SYT9: variants seen among roughly 807,000 people sequenced by gnomAD.
SYT9 encodes synaptotagmin-9.
In SYT9, 22 loss-of-function variants were observed where a neutral mutation model predicts 48.4. That is an observed-to-expected ratio of 0.45 (90% CI 0.32 to 0.65). SYT9 has a LOEUF of 0.65. Among genes scored for constraint, SYT9 ranks in the 30% least tolerant of loss-of-function variants. The pLI, the probability that SYT9 is intolerant of heterozygous loss-of-function variation, is 0.03. For synonymous variants in SYT9, 265 were observed against 245.0 expected, an observed-to-expected ratio of 1.08 and a Z score of -0.76; for missense variants, 577 against 622.0, an observed-to-expected ratio of 0.93 and a Z score of 0.77.
intron 3 of SYT9, among the ~76,000 whole-genome samples, chr11:7,386,570 C>G (rs562343646): frequency 8.3e-4 from 126 of 152,238 alleles, no homozygotes; most frequent in Non-Finnish European, 1.1e-3. Context: ...CTGGCCATCA[C>G]AGAAATGCAA....
intron 3 of SYT9, among the ~76,000 whole-genome samples, chr11:7,381,794 G>A (rs1850569746): frequency 6.6e-6 from 1 of 152,142 alleles, no homozygotes; most frequent in South Asian, 2.1e-4. Flanking sequence ...TACACTTACT[G>A]TCATTAAATT....
intron 3 of SYT9, among the ~76,000 whole-genome samples, chr11:7,367,171 T>A (rs1280821340): frequency 4.7e-5 from 6 of 126,498 alleles, no homozygotes; most frequent in Non-Finnish European, 7.9e-5. Context: ...AAGCTCCGCC[T>A]CCCGGGTTCA....
chr11:7,295,079 A>G (rs1384632249), intron 1 of SYT9, among the ~76,000 whole-genome samples: 1 of 152,186 alleles, frequency 6.6e-6, no homozygotes, highest in Non-Finnish European at 1.5e-5. Flanking sequence ...CCACACTGTT[A>G]GTGTTCTCTT....
chr11:7,381,676 G>A (rs1417768192), intron 3 of SYT9, among the ~76,000 whole-genome samples: 1 of 152,192 alleles, frequency 6.6e-6, no homozygotes, highest in Non-Finnish European at 1.5e-5. Flanking sequence ...AAATGTGAAA[G>A]ACTCAAATCC....
Position 7,313,633 on chromosome 11 carries a change from A to C in SYT9, c.736A>C (p.Asn246His). Residue 246 changes from asparagine (N) to histidine (H), a missense_variant, in exon 3 of 7, where the codon AAT (asparagine) becomes CAT (histidine). Asn to His is a moderately conservative substitution (Grantham distance 68). Transcript: ENST00000318881. ...QLIVKIHKAVNLPAKDFSGTS... is the reference protein window; with the variant it reads ...QLIVKIHKAVHLPAKDFSGTS... ...CATAGTGAAGATTCACAAAGCTGTCAATTTGCCCGCCAAGGACTTTTCTGG... is the reference window on the plus strand; with the variant it reads ...CATAGTGAAGATTCACAAAGCTGTCCATTTGCCCGCCAAGGACTTTTCTGG... 1.2e-6 allele frequency: 2 copies of C among 1,614,140 alleles called. No individual in the cohort carries two copies. The highest frequency in any genetic ancestry group is 1.7e-6 in the Non-Finnish European group (2 of 1,180,016).
intron 6 of SYT9, among the ~76,000 whole-genome samples, chr11:7,433,613 A>G (rs1250476050): frequency 6.6e-6 from 1 of 152,158 alleles, no homozygotes; most frequent in East Asian, 1.9e-4. Context: ...AAGAGATGGG[A>G]AACAATTAGG....
At chr11:7,417,670 G>A (rs181028723) in intron 4 of SYT9, among the ~76,000 whole-genome samples, 1 of 152,192 alleles carries the variant, frequency 6.6e-6, no homozygotes, top group South Asian at 2.1e-4. Flanking sequence ...CCAGTCTTGA[G>A]TTCTAGCTGG....
intron 1 of SYT9, among the ~76,000 whole-genome samples, chr11:7,267,971 T>C (rs1016213553): frequency 5.3e-5 from 8 of 152,090 alleles, no homozygotes; most frequent in Admixed American, 2.0e-4. Flanking sequence ...GATGTAGAAA[T>C]ACAAATTGAG....
intron 3 of SYT9, among the ~76,000 whole-genome samples, chr11:7,329,290 T>G (rs1849487970): frequency 6.6e-6 from 1 of 152,240 alleles, no homozygotes; most frequent in Non-Finnish European, 1.5e-5. Context: ...AATTCTTTCT[T>G]TAGCAGTTTC....
intron 1 of SYT9, among the ~76,000 whole-genome samples, chr11:7,282,926 G>A (rs202061536): frequency 2.9e-4 from 40 of 135,710 alleles, no homozygotes; most frequent in African/African-American, 7.2e-4. Flanking sequence ...ACACACACAC[G>A]CACACACACA....
rs146534380 is a variant in SYT9, at chr11:7,241,450, C to A, written c.49+2534C>A. Among the ~76,000 whole-genome samples, 471 of 152,136 alleles carry A rather than the reference C, an allele frequency of 3.1e-3. 2 individuals carry two copies. Among genetic ancestry groups the A allele is most frequent in the African/African-American group, 1.0e-2 (414 of 41,498 alleles). ...AGAAAATTTCCATGCAAAATATGAA[C>A]TTTGGTGAGTTGCAGATAGAGAAAT... On this transcript the variant is annotated intron_variant and NMD_transcript_variant, in intron 1 of 8. Coordinates refer to the SYT9 transcript ENST00000524820.
At position 7,446,705 on chromosome 11, in the gene SYT9, G is replaced by A. The variant is rs530021207; in HGVS notation, c.1468-20087G>A. Among the ~76,000 whole-genome samples, 14 of 152,336 alleles carry A rather than the reference G, an allele frequency of 9.2e-5. No homozygotes were observed. In the South Asian group the frequency reaches 2.9e-3, roughly 32 times the overall value. ...CCCTCAAGGGGAAGCAGGAGGGGAT[G>A]CCCACAAGCTCCCTCTCCAGAGGCG... On this transcript the variant is annotated intron_variant, in intron 6 of 6. Transcript: ENST00000318881.
rs1491182689 is a variant in SYT9 at position 7,241,236 on chromosome 11, ACG to A, written c.49+2322_49+2323del. 1.1e-3 allele frequency among the ~76,000 whole-genome samples: 167 copies of A among 146,070 alleles called. 1 individual carries two copies. The highest frequency in any genetic ancestry group is 4.1e-3 in the African/African-American group (152 of 36,852). On this transcript the variant is annotated intron_variant and NMD_transcript_variant, in intron 1 of 8. Transcript: ENST00000524820. ...CACACACACACACACACACACACAC[ACG>A]CACACACTCACCCCCCCCACACACA...
chr11:7,444,495 G>GCATATTCA (rs1052282505), intron 6 of SYT9: 1 of 152,140 alleles, frequency 6.6e-6, no homozygotes, highest in Non-Finnish European at 1.5e-5. Flanking sequence ...AAAGAATTCA[G>GCATATTCA]CATATTCATT....
intron 1 of SYT9, among the ~76,000 whole-genome samples, chr11:7,246,051 C>T (rs1378874299): frequency 6.7e-6 from 1 of 149,890 alleles, no homozygotes; most frequent in Non-Finnish European, 1.5e-5. Flanking sequence ...CTTCTATGCA[C>T]TTTTTTTTTT....
intron 1 of SYT9, among the ~76,000 whole-genome samples, chr11:7,292,664 CA>C (rs1186407296): frequency 3.9e-5 from 6 of 152,218 alleles, no homozygotes; most frequent in Non-Finnish European, 7.4e-5. Context: ...TTCTTTTCAG[CA>C]AAAAGTCTCA....
At chr11:7,450,942 A>C (rs1395775055) in intron 6 of SYT9, among the ~76,000 whole-genome samples, 1 of 152,214 alleles carries the variant, frequency 6.6e-6, no homozygotes, top group Non-Finnish European at 1.5e-5. Context: ...GTTTTAAAAG[A>C]CTTTTCTTTC....
chr11:7,458,924 G>A (rs1360505127), intron 6 of SYT9, among the ~76,000 whole-genome samples: 1 of 152,244 alleles, frequency 6.6e-6, no homozygotes, highest in Non-Finnish European at 1.5e-5. Context: ...CTGCTGCTGT[G>A]TTGAGAATAG....
At chr11:7,415,477 C>T (rs1025452994) in intron 3 of SYT9, among the ~76,000 whole-genome samples, 1 of 151,698 alleles carries the variant, frequency 6.6e-6, no homozygotes, top group African/African-American at 2.4e-5. Flanking sequence ...AGGATATGGT[C>T]GCAAGTTTGA....
Sources: gnomAD v4.1 joint callset for allele counts (sites outside exome capture counted in the v4.1 genomes callset) on GRCh38, gnomAD v4.1.1 for gene constraint, MANE v1.5 for transcripts, NCBI Gene and HGNC (gene_info 2026-07-23, HGNC 2026-07-21) for gene names.